SPPL2A: variants seen among roughly 807,000 people sequenced by gnomAD.
SPPL2A encodes the protein signal peptide peptidase-like 2A.
Under a neutral mutation model 63.8 loss-of-function variants are expected in SPPL2A, and 51 were observed. The observed-to-expected ratio is 0.80, with a 90% confidence interval of 0.64 to 1.01. The LOEUF (loss-of-function observed/expected upper bound fraction) is 1.01. Among genes scored for constraint, SPPL2A ranks in the 50% least tolerant of loss-of-function variants. The pLI is 0.00. For synonymous variants in SPPL2A, 188 were observed against 205.8 expected (o/e 0.91, Z 0.74); for missense variants, 553 against 622.7 (o/e 0.89, Z 1.19).
In SPPL2A at chr15:50,725,280, A is replaced by T. The variant is rs1267473509; in HGVS notation, c.1190T>A (p.Val397Glu). Residue 397 changes from valine (V) to glutamate (E), a missense_variant, in exon 12 of 15, where the codon GTA (valine) becomes GAA (glutamate). Physicochemically the swap from Val to Glu is moderately radical, Grantham distance 121. Coordinates refer to ENST00000261854, the MANE Select transcript of SPPL2A (RefSeq NM_032802.4). ...IRVPKLIYFS[V>E]MSVCLMPVSI... is the part of the protein sequence containing the mutation. ...AACAGGCATGAGGCACACACTCATT[A>T]CTGAGAAATAGATCAGTTTTGGTAC... The T allele has an allele frequency of 6.2e-7, 1 of 1,609,454 alleles. No homozygotes were observed. The highest frequency in any genetic ancestry group is 8.5e-7 in the Non-Finnish European group (1 of 1,177,046).
chr15:50,736,113 C>T lies in SPPL2A; in HGVS notation c.920G>A (p.Arg307Gln), dbSNP rs768668639. ...IAVAVVWAVFRNEDRWAWILQ... is the reference protein window; with the variant it reads ...IAVAVVWAVFQNEDRWAWILQ... ...TGAGTATTCATACCTGTCTTCATTT[C>T]GAAACACAGCCCAAACAACAGCTAC... is the stretch of plus-strand genomic sequence containing the variant. The change falls in exon 8 of 15, where the codon CGA becomes CAA. Residue 307 changes from arginine to glutamine, a missense_variant. Physicochemically the swap from Arg to Gln is conservative, Grantham distance 43 (BLOSUM62 1). Transcript: ENST00000261854. 4.4e-6 allele frequency: 7 copies of T among 1,604,946 alleles called. No individual in the cohort carries two copies. Among genetic ancestry groups the T allele is most frequent in the African/African-American group, 1.3e-5 (1 of 74,682 alleles).
At chr15:50,715,637 C>T (rs1596376351) in intron 14 of SPPL2A, among the ~76,000 whole-genome samples, 2 of 152,194 alleles carry the variant, frequency 1.3e-5, no homozygotes, top group East Asian at 3.9e-4. Flanking sequence ...AGAAAAAGGA[C>T]TCCCATTTTT....
intron 1 of SPPL2A, among the ~76,000 whole-genome samples, chr15:50,753,242 G>C (rs2062924804): frequency 6.6e-6 from 1 of 152,084 alleles, no homozygotes; most frequent in Non-Finnish European, 1.5e-5. Flanking sequence ...CCCCTACAAT[G>C]TATCTGTGCA....
intron 1 of SPPL2A, among the ~76,000 whole-genome samples, chr15:50,754,168 A>C (rs1449935955): frequency 3.9e-5 from 6 of 152,306 alleles, no homozygotes; most frequent in African/African-American, 1.4e-4. Flanking sequence ...GAGAATACAG[A>C]GTTTTGACAT....
In SPPL2A at chr15:50,720,993, T is replaced by A. The variant is rs568123843; in HGVS notation, c.1328-893A>T. On this transcript the variant is annotated intron_variant, in intron 13 of 14. Coordinates refer to ENST00000261854, the MANE Select transcript of SPPL2A (RefSeq NM_032802.4). Reference sequence around the variant, plus strand: ...AATGAACACTCCTATAATCTGCCTTTGGATACTAATATGTTAAAGCCCTGG... The same window carrying A: ...AATGAACACTCCTATAATCTGCCTTAGGATACTAATATGTTAAAGCCCTGG... Among the ~76,000 whole-genome samples the A allele has an allele frequency of 2.7e-3, 405 of 152,270 alleles. 1 individual carries two copies. Among genetic ancestry groups the A allele is most frequent in the African/African-American group, 9.3e-3 (386 of 41,552 alleles).
At chr15:50,723,415 A>G (rs1302400212) in intron 12 of SPPL2A, among the ~76,000 whole-genome samples, 1 of 152,224 alleles carries the variant, frequency 6.6e-6, no homozygotes, top group Non-Finnish European at 1.5e-5. Context: ...CTAAGTGTCC[A>G]TCAACAGATG....
In SPPL2A at chr15:50,736,645, TGC is replaced by T; in HGVS notation, c.827_828del (p.Cys276TyrfsTer33). ...ALIHKIPYGQ[C>X]TIACRGKNME... Reference sequence around the variant, plus strand: ...AGATTTCCTGTAAGAGATACGTACGTGCATTGTCCATATGGTATCTTATGAAT... The same window carrying T: ...AGATTTCCTGTAAGAGATACGTACGTATTGTCCATATGGTATCTTATGAAT... On this transcript the variant is annotated frameshift_variant and splice_region_variant, in exon 7 of 15. Transcript: ENST00000261854. LOFTEE classifies it high-confidence loss of function. 4 of 1,515,718 alleles carry T rather than the reference TGC, an allele frequency of 2.6e-6. No individual in the cohort carries two copies. The highest frequency in any genetic ancestry group is 3.7e-6 in the Non-Finnish European group (4 of 1,094,806). 93.9% of individuals were successfully genotyped at this position (1,515,718 alleles called of 1,614,324 possible).
chr15:50,759,093 G>A (rs1178947548), intron 1 of SPPL2A, among the ~76,000 whole-genome samples: 1 of 151,906 alleles, frequency 6.6e-6, no homozygotes, highest in Non-Finnish European at 1.5e-5. Context: ...TAAAGATGGG[G>A]TCTTACTATT....
chr15:50,755,018 CA>C (rs965924681), intron 1 of SPPL2A, among the ~76,000 whole-genome samples: 1 of 148,274 alleles, frequency 6.7e-6, no homozygotes, highest in South Asian at 2.2e-4. Context: ...AAAACAACAA[CA>C]AAAAAAACGC....
chr15:50,723,912 C>T (rs995408981), intron 12 of SPPL2A, among the ~76,000 whole-genome samples: 2 of 152,204 alleles, frequency 1.3e-5, no homozygotes, highest in Admixed American at 1.3e-4. Flanking sequence ...TACCTCTGCT[C>T]TTTGGAGAAA....
intron 9 of SPPL2A, among the ~76,000 whole-genome samples, chr15:50,731,953 TA>T (rs59059189): frequency 0.47 from 57,668 of 121,516 alleles, 12,116 homozygotes; most frequent in East Asian, 0.55. Flanking sequence ...ACCAAATAAA[TA>T]AAAAAAAAAA....
intron 4 of SPPL2A, 36 bp from the exon 5 acceptor site, chr15:50,747,664 C>T: frequency 6.6e-7 from 1 of 1,526,066 alleles, no homozygotes; most frequent in Non-Finnish European, 9.0e-7. Context: ...ACAGGAATAA[C>T]TTTTCTTTCT....
At chr15:50,764,271 A>G (rs1251363640) in intron 1 of SPPL2A, among the ~76,000 whole-genome samples, 3 of 152,348 alleles carry the variant, frequency 2.0e-5, no homozygotes, top group East Asian at 1.9e-4. Flanking sequence ...TCTTTTGGAC[A>G]TAAGTATTAT....
rs537327074 is a variant in SPPL2A at position 50,740,831 on chromosome 15, G to C, written c.585-1003C>G. On this transcript the variant is annotated intron_variant, in intron 5 of 14. Coordinates refer to ENST00000261854, the MANE Select transcript of SPPL2A (RefSeq NM_032802.4). ...TCACCATGTTGCCCTGGCTGGTCTC[G>C]AACTGAGCTCAGGCAAACCACCCAC... is the stretch of plus-strand genomic sequence containing the variant. Among the ~76,000 whole-genome samples the C allele has an allele frequency of 2.8e-4, 43 of 152,116 alleles. No homozygotes were observed. In the South Asian group the frequency reaches 8.5e-3, roughly 30 times the overall value.
intron 1 of SPPL2A, among the ~76,000 whole-genome samples, chr15:50,758,296 A>C (rs544854281): frequency 7.9e-4 from 120 of 151,120 alleles, no homozygotes; most frequent in Non-Finnish European, 1.4e-3. Flanking sequence ...CTCAAAAAAA[A>C]AAAAAGAACA....
chr15:50,724,044 A>G (rs2062667427), intron 12 of SPPL2A, among the ~76,000 whole-genome samples: 1 of 152,156 alleles, frequency 6.6e-6, no homozygotes, highest in Admixed American at 6.6e-5. Flanking sequence ...GGAAATGGTA[A>G]AATCAGGCAT....
rs757812827 is a variant in SPPL2A, at chr15:50,730,958, G to A, written c.1089+7C>T. ...TTTCTTCACCCATTTCAAAAATATG[G>A]TCATACCTTTGTGATGAATGGTGTT... On this transcript the variant is annotated splice_region_variant and intron_variant, in intron 10 of 14. Coordinates refer to ENST00000261854, the MANE Select transcript of SPPL2A (RefSeq NM_032802.4). 1.3e-5 allele frequency: 16 copies of A among 1,191,444 alleles called. No homozygotes were observed. In the South Asian group the frequency reaches 2.0e-4, roughly 15 times the overall value. The allele number at this position is 1,191,444 out of a possible 1,614,324, so 73.8% of individuals were successfully genotyped here.
chr15:50,707,782 T>C lies in SPPL2A; in HGVS notation c.*18A>G, dbSNP rs985106083. On this transcript the variant is annotated 3_prime_UTR_variant, in exon 15 of 15. Transcript: ENST00000261854. ...TTTGTAGAAAATCAATGACACATTA[T>C]AGCAGTTCCACATAATATTATTGCT... 4.6e-6 allele frequency: 6 copies of C among 1,292,298 alleles called. No homozygotes were observed. The highest frequency in any genetic ancestry group is 1.5e-5 in the African/African-American group (1 of 68,618). 80.1% of individuals were successfully genotyped at this position (1,292,298 alleles called of 1,614,324 possible).
chr15:50,715,009 T>C (rs1467454972), intron 14 of SPPL2A, among the ~76,000 whole-genome samples: 1 of 152,002 alleles, frequency 6.6e-6, no homozygotes, highest in East Asian at 1.9e-4. Context: ...TGTTTTTTTT[T>C]GTTTAGACTG....
Sources: gnomAD v4.1 joint callset for allele counts (sites outside exome capture counted in the v4.1 genomes callset) on GRCh38, gnomAD v4.1.1 for gene constraint, MANE v1.5 for transcripts, NCBI Gene and HGNC (gene_info 2026-07-23, HGNC 2026-07-21) for gene names.